Variants in NRG3 observed in about 807,000 individuals in gnomAD.
The protein encoded by NRG3 is pro-neuregulin-3, membrane-bound isoform.
Under a neutral mutation model 66.9 loss-of-function variants are expected in NRG3, and 31 were observed. The observed-to-expected ratio is 0.46, with a 90% CI of 0.35 to 0.63. The LOEUF is 0.63. Among genes scored for constraint, NRG3 ranks in the 20% least tolerant of loss-of-function variants. The pLI is 0.00. For synonymous variants in NRG3, 393 were observed against 359.4 expected (o/e 1.09, Z -1.06); for missense variants, 910 against 878.9 (o/e 1.04, Z -0.45).
intron 4 of NRG3, among the ~76,000 whole-genome samples, chr10:82,871,785 T>C (rs2135991133): frequency 6.6e-6 from 1 of 152,262 alleles, no homozygotes; most frequent in Non-Finnish European, 1.5e-5. Flanking sequence ...TACATTGATA[T>C]AATCATTTAT....
intron 1 of NRG3, among the ~76,000 whole-genome samples, chr10:82,111,307 C>G (rs2067375810): frequency 6.6e-6 from 1 of 152,174 alleles, no homozygotes; most frequent in African/African-American, 2.4e-5. Context: ...CTAATAATCT[C>G]TTCTTAAACC....
chr10:82,362,954 G>C (rs1364826404), intron 2 of NRG3, among the ~76,000 whole-genome samples: 1 of 152,120 alleles, frequency 6.6e-6, no homozygotes, highest in African/African-American at 2.4e-5. Flanking sequence ...AAAATTACAT[G>C]TTTATTTATG....
At chr10:82,142,573 C>CAGCAAT (rs1392109992) in intron 1 of NRG3, among the ~76,000 whole-genome samples, 4 of 151,996 alleles carry the variant, frequency 2.6e-5, no homozygotes, top group Non-Finnish European at 5.9e-5. Context: ...TCTCATTGGG[C>CAGCAAT]ATGTATTATG....
At position 82,713,934 on chromosome 10, in the gene NRG3, G is replaced by T. The variant is rs532178604; in HGVS notation, c.954-24643G>T. Among the ~76,000 whole-genome samples, 7 of 152,218 alleles carry T rather than the reference G, an allele frequency of 4.6e-5. No homozygotes were observed. The East Asian group carries it at 5.8e-4, about 13-fold the overall frequency. On this transcript the variant is annotated intron_variant, in intron 2 of 8. Transcript: ENST00000372141. ...ATCATTTTTTCCTGAAGATGTGGAT[G>T]GATGCCCTGCTGTCCCAGAGACAGA...
intron 2 of NRG3, among the ~76,000 whole-genome samples, chr10:82,658,836 C>G (rs1398138403): frequency 6.6e-6 from 1 of 151,972 alleles, no homozygotes; most frequent in Non-Finnish European, 1.5e-5. Flanking sequence ...TGAATTAAAC[C>G]TAGATAAAAC....
At chr10:82,667,998 A>G (rs1007530473) in intron 2 of NRG3, among the ~76,000 whole-genome samples, 15 of 152,208 alleles carry the variant, frequency 9.9e-5, no homozygotes, top group African/African-American at 3.6e-4. Context: ...TTTATACGTC[A>G]GTTTCTTGCT....
chr10:82,678,964 T>A lies in NRG3; in HGVS notation c.954-59613T>A, dbSNP rs60522103. On this transcript the variant is annotated intron_variant, in intron 2 of 8. Coordinates refer to ENST00000372141, the MANE Select transcript of NRG3 (RefSeq NM_001010848.4). ...CCACTCTTATACTCAATATTTGAGG[T>A]GGACAATCTGACATTGGAAATGTAG... is the stretch of plus-strand genomic sequence containing the variant. Among the ~76,000 whole-genome samples the A allele has an allele frequency of 3.8e-3, 584 of 152,356 alleles. 4 individuals carry two copies. Among genetic ancestry groups the A allele is most frequent in the African/African-American group, 0.014 (570 of 41,578 alleles).
intron 1 of NRG3, among the ~76,000 whole-genome samples, chr10:82,045,190 A>G (rs1475737574): frequency 9.0e-4 from 41 of 45,568 alleles, no homozygotes; most frequent in Admixed American, 2.4e-3. Context: ...CCAACAGTGT[A>G]AAAGTGTTCC....
chr10:81,943,328 C>T (rs972163130), intron 1 of NRG3, among the ~76,000 whole-genome samples: 2 of 152,154 alleles, frequency 1.3e-5, no homozygotes, highest in Admixed American at 1.3e-4. Flanking sequence ...CTGCAGTGGG[C>T]TGTGATCTTG....
At chr10:82,405,993 A>G (rs1261151026) in intron 2 of NRG3, among the ~76,000 whole-genome samples, 1 of 152,148 alleles carries the variant, frequency 6.6e-6, no homozygotes, top group East Asian at 1.9e-4. Context: ...TGCTGCTAAT[A>G]TCAAGGTCAA....
intron 1 of NRG3, among the ~76,000 whole-genome samples, chr10:82,336,516 T>C (rs2082394080): frequency 6.9e-6 from 1 of 145,526 alleles, no homozygotes; most frequent in Non-Finnish European, 1.5e-5. Flanking sequence ...TCTTTCTTTC[T>C]TTCTTTTCTT....
chr10:82,530,542 A>G (rs552572687), intron 2 of NRG3, among the ~76,000 whole-genome samples: 1 of 152,126 alleles, frequency 6.6e-6, no homozygotes, highest in Non-Finnish European at 1.5e-5. Flanking sequence ...GGAATCATAT[A>G]TAACTTTTTT....
rs180775430 is a variant in NRG3, at chr10:82,317,409, G to A, written c.824-41330G>A. On this transcript the variant is annotated intron_variant, in intron 1 of 8. Coordinates refer to ENST00000372141, the MANE Select transcript of NRG3 (RefSeq NM_001010848.4). ...GCACATTACTGGAATGACATATTTG[G>A]TGAGTTAATGAATAAATTAATATTC... Among the ~76,000 whole-genome samples, 719 of 152,168 alleles carry A rather than the reference G, an allele frequency of 4.7e-3. 14 individuals are homozygous for A. Among genetic ancestry groups the A allele is most frequent in the Admixed American group, 0.033 (510 of 15,274 alleles).
chr10:82,492,843 T>C (rs1346983394), intron 2 of NRG3, among the ~76,000 whole-genome samples: 1 of 152,228 alleles, frequency 6.6e-6, no homozygotes, highest in African/African-American at 2.4e-5. Flanking sequence ...CTCTCTAATG[T>C]TAGGCACCAA....
intron 2 of NRG3, among the ~76,000 whole-genome samples, chr10:82,665,944 C>A (rs913603722): frequency 6.6e-6 from 1 of 152,166 alleles, no homozygotes; most frequent in Non-Finnish European, 1.5e-5. Context: ...TCACTGCAAC[C>A]TACACCTCCC....
intron 1 of NRG3, among the ~76,000 whole-genome samples, chr10:82,144,783 G>C (rs2070120425): frequency 6.6e-6 from 1 of 152,098 alleles, no homozygotes; most frequent in Non-Finnish European, 1.5e-5. Context: ...AGCTACTCCT[G>C]AACTTCTGTT....
intron 2 of NRG3, among the ~76,000 whole-genome samples, chr10:82,398,335 A>C (rs2086849014): frequency 6.6e-6 from 1 of 152,064 alleles, no homozygotes. Flanking sequence ...AAGGTTACTG[A>C]AAACCCAGGG....
At position 82,501,131 on chromosome 10, in the gene NRG3, G is replaced by T. The variant is rs369350812; in HGVS notation, c.953+142263G>T. On this transcript the variant is annotated intron_variant, in intron 2 of 8. Transcript: ENST00000372141. ...CAAACTATATGGAGCTGGTGAGAGG[G>T]ATCCAAGCTGGAGGCAGATTTGGAA... is the stretch of plus-strand genomic sequence containing the variant. Among the ~76,000 whole-genome samples, 16 of 152,222 alleles carry T rather than the reference G, an allele frequency of 1.1e-4. No homozygotes were observed. In the East Asian group the frequency reaches 2.7e-3, roughly 26 times the overall value.
chr10:82,730,479 A>G (rs1444125616), intron 2 of NRG3, among the ~76,000 whole-genome samples: 2 of 152,228 alleles, frequency 1.3e-5, no homozygotes, highest in African/African-American at 2.4e-5. Context: ...CAAAAAATGT[A>G]TGATGTATTT....
Sources: allele counts gnomAD v4.1 joint callset (sites outside exome capture counted in the v4.1 genomes callset), GRCh38; gene constraint gnomAD v4.1.1; transcripts MANE v1.5; gene names NCBI Gene and HGNC (gene_info 2026-07-23, HGNC 2026-07-21).